Variants in CCDC30 observed in about 807,000 individuals in gnomAD.
CCDC30 encodes the protein coiled-coil domain containing 30.
In CCDC30, 70 loss-of-function variants were observed where a neutral mutation model predicts 100.2. The ratio of observed to expected loss-of-function variants is 0.70; its 90% CI spans 0.58 to 0.85. The LOEUF is 0.85. CCDC30 is among the 40% of genes least tolerant of loss of function. CCDC30 has a pLI of 0.00. For synonymous variants in CCDC30, 233 were observed against 269.5 expected (o/e 0.86, Z 1.33); for missense variants, 652 against 771.2 (o/e 0.85, Z 1.83).
chr1:42,477,915 G>A (rs186287402), intron 1 of CCDC30, among the ~76,000 whole-genome samples: 2 of 152,300 alleles, frequency 1.3e-5, no homozygotes, highest in East Asian at 3.9e-4. Flanking sequence ...AGGCATTCCT[G>A]GCAAAGGGAA....
chr1:42,610,886 T>C lies in CCDC30; in HGVS notation c.1165-92T>C, dbSNP rs1646606907. The stretch of plus-strand genomic sequence containing the variant: ...TCAGAAGCAGGAGTGACTATAAGCT[T>C]TTTTTTTTTTTTTTACCAGAAAGAC... On this transcript the variant is annotated intron_variant, in intron 10 of 16. Transcript: ENST00000668663. The C allele has an allele frequency of 1.2e-4, 10 of 80,104 alleles. 1 individual carries two copies. In the South Asian group the frequency reaches 1.9e-3, roughly 15 times the overall value. The allele number at this position is 80,104 out of a possible 1,614,324, so 5.0% of individuals were successfully genotyped here.
intron 11 of CCDC30, among the ~76,000 whole-genome samples, chr1:42,621,646 G>C (rs1047636320): frequency 6.6e-6 from 1 of 152,232 alleles, no homozygotes; most frequent in South Asian, 2.1e-4. Flanking sequence ...GGAGTAGCTA[G>C]GACTACAGGC....
intron 5 of CCDC30, among the ~76,000 whole-genome samples, chr1:42,497,675 T>C (rs1375825003): frequency 1.3e-5 from 2 of 152,214 alleles, no homozygotes; most frequent in African/African-American, 4.8e-5. Context: ...TAAATAATCA[T>C]ATATCTAATA....
At chr1:42,465,818 T>C (rs1435125429) in intron 1 of CCDC30, among the ~76,000 whole-genome samples, 1 of 152,198 alleles carries the variant, frequency 6.6e-6, no homozygotes, top group Admixed American at 6.5e-5. Flanking sequence ...TATCTTAATA[T>C]GCACAGAACT....
At chr1:42,578,246 T>C (rs1478526530) in intron 8 of CCDC30, among the ~76,000 whole-genome samples, 1 of 152,150 alleles carries the variant, frequency 6.6e-6, no homozygotes, top group African/African-American at 2.4e-5. Context: ...AAATCTAATG[T>C]TGAGTTAAAG....
At chr1:42,636,965 C>CAAAAAAAAAAAAA (rs1166253995) in intron 11 of CCDC30, among the ~76,000 whole-genome samples, 6 of 29,520 alleles carry the variant, frequency 2.0e-4, no homozygotes, top group African/African-American at 4.1e-4. Flanking sequence ...GACTCCATCT[C>CAAAAAAAAAAAAA]AAAAAAAAAA....
chr1:42,480,791 C>T (rs2152314), intron 2 of CCDC30, among the ~76,000 whole-genome samples: 60,744 of 151,960 alleles, frequency 0.4, 12,729 homozygotes, highest in East Asian at 0.59. Context: ...AATCAGCTTT[C>T]ACCTTAGAAG....
intron 16 of CCDC30, 23 bp from the exon 21 acceptor site, chr1:42,653,795 T>C: frequency 6.4e-7 from 1 of 1,572,826 alleles, no homozygotes. Context: ...GTACATGATG[T>C]CCTCACATAT....
chr1:42,654,281 G>A, downstream of CCDC30: 1 of 438,080 alleles, frequency 2.3e-6, no homozygotes, highest in Non-Finnish European at 4.1e-6. Flanking sequence ...CTCTTCAGCA[G>A]AGCACATGTA....
chr1:42,628,329 G>T (rs1646969967), intron 11 of CCDC30, among the ~76,000 whole-genome samples: 1 of 152,140 alleles, frequency 6.6e-6, no homozygotes, highest in African/African-American at 2.4e-5. Flanking sequence ...GATTTTACAG[G>T]CTCATAGGCA....
intron 6 of CCDC30, among the ~76,000 whole-genome samples, chr1:42,564,677 C>T (rs1005193108): frequency 1.3e-5 from 2 of 152,226 alleles, no homozygotes; most frequent in African/African-American, 4.8e-5. Context: ...TGTATCATCT[C>T]ACATACTTTT....
In CCDC30 at chr1:42,463,890, G is replaced by T. The variant is rs1457414873; in HGVS notation, c.-100G>T. On this transcript the variant is annotated 5_prime_UTR_variant, in exon 1 of 17. In the 5' UTR this introduces an upstream ATG that the reference lacks. Transcript: ENST00000668663. ...GGCCTTTTGTATCCTCAACATCAGA[G>T]GTCATGAAGTCAGTTACCTTCTGCC... The T allele has an allele frequency of 1.3e-5, 2 of 152,090 alleles. No homozygotes were observed. Among genetic ancestry groups the T allele is most frequent in the Admixed American group, 1.3e-4 (2 of 15,270 alleles). 9.4% of individuals were successfully genotyped at this position (152,090 alleles called of 1,614,324 possible).
intron 6 of CCDC30, among the ~76,000 whole-genome samples, chr1:42,509,670 G>GGCCT (rs945041429): frequency 6.6e-6 from 1 of 152,050 alleles, no homozygotes; most frequent in Non-Finnish European, 1.5e-5. Flanking sequence ...TGAGGTCCTG[G>GGCCT]GCCTGTATCC....
At chr1:42,541,639 T>C (rs12410599) in intron 6 of CCDC30, among the ~76,000 whole-genome samples, 20,721 of 152,270 alleles carry the variant, frequency 0.14, 1,554 homozygotes, top group East Asian at 0.19. Context: ...TTATTACTTT[T>C]GCCTTTGCAA....
intron 11 of CCDC30, among the ~76,000 whole-genome samples, chr1:42,614,301 C>T (rs1195738040): frequency 6.6e-6 from 1 of 151,606 alleles, no homozygotes. Flanking sequence ...AGGATGGTCT[C>T]GATCTCCTGA....
chr1:42,569,717 G>A (rs990407782), intron 7 of CCDC30, among the ~76,000 whole-genome samples: 1 of 152,122 alleles, frequency 6.6e-6, no homozygotes, highest in Non-Finnish European at 1.5e-5. Context: ...CAAAGACTTG[G>A]AACCAACCCA....
At chr1:42,527,991 G>T (rs867585306) in intron 6 of CCDC30, among the ~76,000 whole-genome samples, 1 of 151,930 alleles carries the variant, frequency 6.6e-6, no homozygotes, top group South Asian at 2.1e-4. Context: ...TCAGCCTCCC[G>T]AGTAGCTGGG....
At chr1:42,546,399 AATATATATATATATATATATATATATAT>A (rs66804938) in intron 6 of CCDC30, among the ~76,000 whole-genome samples, 148 of 11,990 alleles carry the variant, frequency 0.012, 7 homozygotes, top group African/African-American at 0.029. Context: ...AAAAAAAAAA[AATATATATATATATATATATATATATAT>A]ATATATATAT....
intron 1 of CCDC30, chr1:42,473,071 A>G (rs1320830008): frequency 1.6e-6 from 2 of 1,214,114 alleles, no homozygotes; most frequent in Non-Finnish European, 2.1e-6. Context: ...TTGCATCCTC[A>G]GTTGTGTGTG....
Sources: allele counts gnomAD v4.1 joint callset (sites outside exome capture counted in the v4.1 genomes callset), GRCh38; gene constraint gnomAD v4.1.1; transcripts MANE v1.5; gene names NCBI Gene and HGNC (gene_info 2026-07-23, HGNC 2026-07-21).